The following ZFP64 variants were observed in gnomAD, a reference collection of about 807,000 sequenced individuals.
ZFP64 encodes ZFP64 zinc finger protein.
A neutral mutation model predicts 51.6 loss-of-function variants in ZFP64; 14 were observed. The ratio of observed to expected loss-of-function variants is 0.27; its 90% CI spans 0.18 to 0.42. The LOEUF (loss-of-function observed/expected upper bound fraction) is 0.42. Among genes scored for constraint, ZFP64 ranks in the 10% least tolerant of loss-of-function variants. The probability of loss-of-function intolerance (pLI) is 1.00; values close to 1 mark genes in which losing one functional copy is unlikely to be tolerated. For missense variants in ZFP64, 754 were observed against 906.8 expected (o/e 0.83, Z 2.16); for synonymous variants, 375 against 361.4 (o/e 1.04, Z -0.43).
intron 7 of ZFP64, among the ~76,000 whole-genome samples, chr20:52,095,156 C>T (rs982330922): frequency 2.0e-5 from 3 of 152,256 alleles, no homozygotes; most frequent in African/African-American, 7.2e-5. Context: ...TGACCTTTCC[C>T]CTCTCCTCTT....
intron 3 of ZFP64, chr20:52,165,651 G>A: frequency 5.5e-6 from 4 of 729,900 alleles, no homozygotes; most frequent in Non-Finnish European, 9.5e-6. Flanking sequence ...AAAGGCCTAT[G>A]GCTAGAAAAG....
intron 7 of ZFP64, chr20:52,096,932 C>T (rs1163759974): frequency 3.0e-5 from 12 of 402,560 alleles, no homozygotes; most frequent in Non-Finnish European, 4.5e-5. Context: ...AGGCTTTGTG[C>T]ACCCTACAGT....
At chr20:52,175,804 A>T in intron 2 of ZFP64, 1 of 633,874 alleles carries the variant, frequency 1.6e-6, no homozygotes, top group Non-Finnish European at 2.0e-6. Flanking sequence ...AGATCGCACT[A>T]CACTCCAGCC....
chr20:52,164,617 C>A, intron 4 of ZFP64, 78 bp downstream of exon 4: 1 of 1,234,602 alleles, frequency 8.1e-7, no homozygotes. Context: ...TGGTATCATT[C>A]GTCTGACCTA....
chr20:52,090,525 G>A (rs2078911669), intron 7 of ZFP64, among the ~76,000 whole-genome samples: 1 of 152,136 alleles, frequency 6.6e-6, no homozygotes, highest in South Asian at 2.1e-4. Context: ...GGGCGACTGG[G>A]CATGGTGGCT....
At chr20:52,096,169 C>T (rs1014693938) in intron 7 of ZFP64, among the ~76,000 whole-genome samples, 2 of 152,234 alleles carry the variant, frequency 1.3e-5, no homozygotes, top group African/African-American at 4.8e-5. Context: ...TCCAGAGGCT[C>T]ATCTGGCCAT....
chr20:52,151,121 C>T (rs1246641705), downstream of ZFP64, among the ~76,000 whole-genome samples: 17 of 152,132 alleles, frequency 1.1e-4, no homozygotes, highest in Non-Finnish European at 1.5e-5. Context: ...CTTTAGGTAC[C>T]ACATCTATTT....
chr20:52,159,810 A>C (rs1406148308), intron 5 of ZFP64, among the ~76,000 whole-genome samples: 1 of 152,132 alleles, frequency 6.6e-6, no homozygotes, highest in African/African-American at 2.4e-5. Flanking sequence ...AATATGGCAA[A>C]ACCCCATCTC....
At chr20:52,170,269 T>A (rs895675484) in intron 2 of ZFP64, among the ~76,000 whole-genome samples, 2 of 151,786 alleles carry the variant, frequency 1.3e-5, no homozygotes, top group Non-Finnish European at 2.9e-5. Flanking sequence ...CTGGCCAACA[T>A]GGTGAGACCC....
chr20:52,148,854 CAG>C (rs1447883415), downstream of ZFP64, among the ~76,000 whole-genome samples: 1 of 152,150 alleles, frequency 6.6e-6, no homozygotes, highest in Non-Finnish European at 1.5e-5. Context: ...AATGAAGCGA[CAG>C]AAGAATCTAA....
chr20:52,104,334 G>A (rs1325557150), intron 5 of ZFP64, among the ~76,000 whole-genome samples: 3 of 152,198 alleles, frequency 2.0e-5, no homozygotes, highest in South Asian at 2.1e-4. Context: ...GAGGATCCCG[G>A]GACGAGAAAT....
intron 5 of ZFP64, among the ~76,000 whole-genome samples, chr20:52,140,600 T>A (rs1453162980): frequency 1.3e-5 from 2 of 151,894 alleles, no homozygotes; most frequent in Non-Finnish European, 1.5e-5. Flanking sequence ...CAGAAGAAAA[T>A]TGGAAGCTAG....
intron 5 of ZFP64, chr20:52,111,109 G>A: frequency 2.3e-6 from 2 of 874,306 alleles, no homozygotes; most frequent in Non-Finnish European, 3.8e-6. Flanking sequence ...GAGAGACGCG[G>A]AGCGGGGCAC....
At chr20:52,188,476 G>GATCATAGTATTGTAAA (rs1984140817) in intron 1 of ZFP64, among the ~76,000 whole-genome samples, 1 of 150,254 alleles carries the variant, frequency 6.7e-6, no homozygotes, top group Admixed American at 6.6e-5. Flanking sequence ...CACTACGCTC[G>GATCATAGTATTGTAAA]ACTAATTTTT....
chr20:52,186,565 G>T (rs184067880), intron 2 of ZFP64, among the ~76,000 whole-genome samples: 6 of 148,354 alleles, frequency 4.0e-5, no homozygotes, highest in Non-Finnish European at 7.4e-5. Context: ...TTTTCCTATA[G>T]TATATAGATT....
Position 52,102,259 on chromosome 20 carries a change from C to T in ZFP64, c.764-3672G>A, listed in dbSNP as rs150775436. 8.7e-4 allele frequency among the ~76,000 whole-genome samples: 132 copies of T among 152,212 alleles called. 1 individual carries two copies. In the East Asian group the frequency reaches 0.022, roughly 26 times the overall value. On this transcript the variant is annotated intron_variant, in intron 5 of 8. Transcript: ENST00000361387. ...ACAGCCAGTGGTTCTCAGACGTCAG[C>T]GTGTATCAGAATTGCCTAGAAGGCT...
chr20:52,097,068 T>A, intron 7 of ZFP64: 1 of 691,882 alleles, frequency 1.4e-6, no homozygotes, highest in Admixed American at 1.8e-5. Context: ...ATGGCACTCC[T>A]TTGCTTCAGC....
chr20:52,175,793 G>T, intron 2 of ZFP64: 2 of 535,128 alleles, frequency 3.7e-6, no homozygotes, highest in Non-Finnish European at 4.8e-6. Context: ...GCAGTGAGCC[G>T]AGATCGCACT....
At chr20:52,168,080 A>T (rs1273043646) in intron 2 of ZFP64, among the ~76,000 whole-genome samples, 1 of 152,164 alleles carries the variant, frequency 6.6e-6, no homozygotes, top group African/African-American at 2.4e-5. Context: ...GACATTTGGC[A>T]GGAAACCCAA....
Sources: allele counts gnomAD v4.1 joint callset (sites outside exome capture counted in the v4.1 genomes callset), GRCh38; gene constraint gnomAD v4.1.1; transcripts MANE v1.5; gene names NCBI Gene and HGNC (gene_info 2026-07-23, HGNC 2026-07-21).